Variants in PCDH9 observed in about 807,000 individuals in gnomAD.
The protein encoded by PCDH9 is protocadherin 9.
PCDH9 carries 24 observed loss-of-function variants against 70.6 expected under a neutral mutation model. The ratio of observed to expected loss-of-function variants is 0.34; its 90% confidence interval spans 0.25 to 0.48. PCDH9 has a LOEUF of 0.48. PCDH9 is among the 20% of genes least tolerant of loss of function. PCDH9 has a pLI of 0.99. For synonymous variants in PCDH9, 562 were observed against 558.5 expected (o/e 1.01, Z -0.09); for missense variants, 1,281 against 1,503.6 (o/e 0.85, Z 2.45).
chr13:67,162,448 CT>C (rs1468962442), intron 2 of PCDH9, among the ~76,000 whole-genome samples: 2 of 152,268 alleles, frequency 1.3e-5, no homozygotes, highest in South Asian at 2.1e-4. Context: ...TAAAGTTCAT[CT>C]TTTTTGTTAC....
intron 4 of PCDH9, among the ~76,000 whole-genome samples, chr13:66,368,787 G>A (rs574132926): frequency 3.3e-5 from 5 of 152,018 alleles, no homozygotes; most frequent in African/African-American, 7.2e-5. Context: ...CCTTATAATT[G>A]GAAGCCAAGG....
At chr13:67,185,621 A>G (rs1178523631) in intron 2 of PCDH9, among the ~76,000 whole-genome samples, 1 of 152,222 alleles carries the variant, frequency 6.6e-6, no homozygotes, top group African/African-American at 2.4e-5. Flanking sequence ...TTTGTTCAAT[A>G]TATTAGTTTT....
At chr13:66,549,060 C>T (rs927609527) in intron 4 of PCDH9, among the ~76,000 whole-genome samples, 3 of 152,030 alleles carry the variant, frequency 2.0e-5, no homozygotes, top group African/African-American at 7.2e-5. Context: ...TGCAATTTGT[C>T]TTATTCTATT....
intron 4 of PCDH9, among the ~76,000 whole-genome samples, chr13:66,470,723 TAA>T (rs78861607): frequency 1.5e-5 from 2 of 137,070 alleles, no homozygotes; most frequent in African/African-American, 2.7e-5. Context: ...GCTCTGAAAT[TAA>T]AAAAAAAAAA....
chr13:67,139,846 C>G (rs1357900494), intron 2 of PCDH9, among the ~76,000 whole-genome samples: 1 of 152,212 alleles, frequency 6.6e-6, no homozygotes, highest in South Asian at 2.1e-4. Flanking sequence ...GACATTTGGT[C>G]ACAAATGATA....
intron 2 of PCDH9, among the ~76,000 whole-genome samples, chr13:67,041,079 G>A (rs1014590030): frequency 1.3e-5 from 2 of 151,962 alleles, no homozygotes; most frequent in African/African-American, 2.4e-5. Flanking sequence ...AAAAAGATTA[G>A]ATATACCCTT....
At chr13:66,623,153 C>A (rs2077451376) in intron 4 of PCDH9, among the ~76,000 whole-genome samples, 1 of 152,264 alleles carries the variant, frequency 6.6e-6, no homozygotes, top group African/African-American at 2.4e-5. Context: ...TCCGCGGCTT[C>A]ATTCTTGAAG....
At position 66,632,472 on chromosome 13, in the gene PCDH9, C is replaced by T. The variant is rs147548546; in HGVS notation, c.3139-1061G>A. On this transcript the variant is annotated intron_variant, in intron 3 of 4. Transcript: ENST00000377865. ...TACACTGGTAGTAGAATAGAATATCCTAGTTGAAAGGTATTTGGAATATCA... is the reference window on the plus strand; with the variant it reads ...TACACTGGTAGTAGAATAGAATATCTTAGTTGAAAGGTATTTGGAATATCA... Among the ~76,000 whole-genome samples, 636 of 152,218 alleles carry T rather than the reference C, an allele frequency of 4.2e-3. 19 individuals are homozygous for T. In the East Asian group the frequency reaches 0.08, roughly 19 times the overall value.
intron 2 of PCDH9, chr13:66,915,114 TA>T (rs1439005624): frequency 6.6e-6 from 1 of 151,676 alleles, no homozygotes; most frequent in South Asian, 2.1e-4. Flanking sequence ...AAACAATATA[TA>T]GAGAACATTT....
intron 4 of PCDH9, among the ~76,000 whole-genome samples, chr13:66,500,842 T>C (rs1959173436): frequency 6.6e-6 from 1 of 152,136 alleles, no homozygotes; most frequent in Non-Finnish European, 1.5e-5. Context: ...TGCCATCATT[T>C]CCATTACAAA....
intron 4 of PCDH9, among the ~76,000 whole-genome samples, chr13:66,517,328 C>T (rs1686206410): frequency 6.6e-6 from 1 of 152,110 alleles, no homozygotes; most frequent in Non-Finnish European, 1.5e-5. Flanking sequence ...ATATAAACTG[C>T]ACTTCCTCTA....
At chr13:66,569,676 T>C (rs1264675722) in intron 4 of PCDH9, among the ~76,000 whole-genome samples, 2 of 152,134 alleles carry the variant, frequency 1.3e-5, no homozygotes, top group Non-Finnish European at 2.9e-5. Context: ...GGTGTTTCTA[T>C]TTATGAAGAA....
At chr13:66,754,763 T>C (rs1410214867) in intron 3 of PCDH9, among the ~76,000 whole-genome samples, 1 of 152,158 alleles carries the variant, frequency 6.6e-6, no homozygotes, top group African/African-American at 2.4e-5. Flanking sequence ...ATCAAAATAA[T>C]ACATCATACT....
intron 3 of PCDH9, among the ~76,000 whole-genome samples, chr13:66,672,038 G>C (rs1289169194): frequency 3.3e-5 from 5 of 152,004 alleles, no homozygotes; most frequent in African/African-American, 1.2e-4. Flanking sequence ...GGTATGGGAG[G>C]AAAAAAATGG....
intron 2 of PCDH9, among the ~76,000 whole-genome samples, chr13:66,931,934 G>C (rs1594276410): frequency 6.6e-6 from 1 of 152,070 alleles, no homozygotes; most frequent in Admixed American, 6.6e-5. Context: ...TAAGGTACTA[G>C]AGTGCATATA....
chr13:67,194,846 T>C (rs192941490), intron 2 of PCDH9, among the ~76,000 whole-genome samples: 14 of 152,180 alleles, frequency 9.2e-5, no homozygotes, highest in African/African-American at 3.4e-4. Flanking sequence ...TGTCGAAATA[T>C]AGGAACAAAA....
At chr13:66,773,528 G>A (rs546928794) in intron 3 of PCDH9, among the ~76,000 whole-genome samples, 326 of 151,748 alleles carry the variant, frequency 2.1e-3, no homozygotes, top group Non-Finnish European at 3.6e-3. Flanking sequence ...CTTCTCGGAG[G>A]TTGAGGCAGG....
At chr13:66,636,243 T>A (rs1241781806) in intron 3 of PCDH9, among the ~76,000 whole-genome samples, 2 of 152,172 alleles carry the variant, frequency 1.3e-5, no homozygotes, top group African/African-American at 4.8e-5. Context: ...ATCCCAATTT[T>A]TAATTGTTTA....
rs552720780 is a variant in PCDH9, at chr13:67,099,767, C to T, written c.3036+125638G>A. Among the ~76,000 whole-genome samples the T allele has an allele frequency of 1.3e-3, 193 of 152,228 alleles. 2 individuals are homozygous for T. The South Asian group carries it at 0.019, about 15-fold the overall frequency. The stretch of plus-strand genomic sequence containing the variant: ...ACGCTCGCTCACTGCAAAGAAACAG[C>T]GAGTGAGGAGTCTCTAAGGATAATA... On this transcript the variant is annotated intron_variant, in intron 2 of 4. Coordinates refer to ENST00000377865, the MANE Select transcript of PCDH9 (RefSeq NM_203487.3).
Sources: gnomAD v4.1 joint callset for allele counts (sites outside exome capture counted in the v4.1 genomes callset) on GRCh38, gnomAD v4.1.1 for gene constraint, MANE v1.5 for transcripts, NCBI Gene and HGNC (gene_info 2026-07-23, HGNC 2026-07-21) for gene names.